DPP6: variants seen among roughly 807,000 people sequenced by gnomAD.
The protein encoded by DPP6 is dipeptidyl peptidase like 6, also known as A-type potassium channel modulatory protein DPP6.
A neutral mutation model predicts 122.6 loss-of-function variants in DPP6; 69 were observed. The ratio of observed to expected loss-of-function variants is 0.56; its 90% CI spans 0.46 to 0.69. The LOEUF (loss-of-function observed/expected upper bound fraction) is 0.69. Ranked by LOEUF, DPP6 falls within the 30% of genes least tolerant of loss-of-function variation. The pLI is 0.00. For synonymous variants in DPP6, 418 were observed against 433.1 expected, an observed-to-expected ratio of 0.97 and a Z score of 0.43; for missense variants, 928 against 1,116.9, an observed-to-expected ratio of 0.83 and a Z score of 2.41.
chr7:153,887,899 G>A (rs547615544), intron 1 of DPP6, among the ~76,000 whole-genome samples: 1 of 151,008 alleles, frequency 6.6e-6, no homozygotes, highest in Non-Finnish European at 1.5e-5. Flanking sequence ...CCCACCCAGC[G>A]GCAGGGGGAT....
the DPP6 span, among the ~76,000 whole-genome samples, chr7:153,776,289 G>C: frequency 6.6e-6 from 1 of 152,136 alleles, no homozygotes. Context: ...TGTGGTGGGA[G>C]GGACCTCGTG....
intron 3 of DPP6, among the ~76,000 whole-genome samples, chr7:154,529,133 G>A (rs544025200): frequency 6.6e-6 from 1 of 152,322 alleles, no homozygotes; most frequent in African/African-American, 2.4e-5. Flanking sequence ...TGGTGAAGGT[G>A]ATGACAATCA....
chr7:153,965,200 AT>A (rs1160779351), intron 1 of DPP6, among the ~76,000 whole-genome samples: 1 of 151,958 alleles, frequency 6.6e-6, no homozygotes, highest in Non-Finnish European at 1.5e-5. Context: ...ATTTTCTGAA[AT>A]AATCGAGAGC....
chr7:153,807,211 A>ACC, the DPP6 span, among the ~76,000 whole-genome samples: 1 of 151,868 alleles, frequency 6.6e-6, no homozygotes, highest in South Asian at 2.1e-4. Flanking sequence ...TCAGGAGTTC[A>ACC]AGACCAGCCT....
At chr7:154,281,905 C>A (rs1804539992) in intron 1 of DPP6, among the ~76,000 whole-genome samples, 1 of 152,144 alleles carries the variant, frequency 6.6e-6, no homozygotes, top group South Asian at 2.1e-4. Flanking sequence ...TGAAAAGAGC[C>A]TCTCCCAGAT....
chr7:154,782,461 C>T (rs1797087227), intron 10 of DPP6, among the ~76,000 whole-genome samples: 1 of 152,198 alleles, frequency 6.6e-6, no homozygotes, highest in African/African-American at 2.4e-5. Context: ...CCTATTTTCT[C>T]CTCTCCTTTA....
chr7:154,702,718 A>G (rs1428215745), intron 7 of DPP6, among the ~76,000 whole-genome samples: 1 of 152,274 alleles, frequency 6.6e-6, no homozygotes, highest in Admixed American at 6.5e-5. Flanking sequence ...AGTCGTCTCC[A>G]TAACATAAAA....
intron 1 of DPP6, among the ~76,000 whole-genome samples, chr7:153,931,105 G>C (rs1192649059): frequency 6.6e-6 from 1 of 152,146 alleles, no homozygotes; most frequent in Non-Finnish European, 1.5e-5. Flanking sequence ...GTCTTTCTTG[G>C]CCTTTCAGAA....
intron 4 of DPP6, among the ~76,000 whole-genome samples, chr7:154,557,137 A>T (rs73163097): frequency 6.6e-6 from 1 of 152,094 alleles, no homozygotes; most frequent in Non-Finnish European, 1.5e-5. Context: ...ACTCATCTGT[A>T]GCACCCATCG....
At chr7:153,827,707 G>A in the DPP6 span, among the ~76,000 whole-genome samples, 1 of 152,122 alleles carries the variant, frequency 6.6e-6, no homozygotes, top group Admixed American at 6.5e-5. Flanking sequence ...GCCACAAGGA[G>A]AAGTCGACTG....
chr7:154,258,434 C>T (rs1451283377), intron 1 of DPP6, among the ~76,000 whole-genome samples: 1 of 152,174 alleles, frequency 6.6e-6, no homozygotes, highest in Admixed American at 6.5e-5. Context: ...AGAACCTGAA[C>T]AGTAACTGAG....
At chr7:154,709,065 A>G (rs1252680048) in intron 7 of DPP6, among the ~76,000 whole-genome samples, 1 of 152,098 alleles carries the variant, frequency 6.6e-6, no homozygotes, top group Non-Finnish European at 1.5e-5. Context: ...AAATAAAAAT[A>G]AAATAACGTT....
At chr7:154,708,018 T>C (rs886601553) in intron 7 of DPP6, among the ~76,000 whole-genome samples, 2 of 152,156 alleles carry the variant, frequency 1.3e-5, no homozygotes, top group Non-Finnish European at 2.9e-5. Context: ...TTTGCCCAGC[T>C]GAGCAGTGAA....
At chr7:154,157,524 CT>C (rs1223087691) in intron 1 of DPP6, among the ~76,000 whole-genome samples, 2 of 152,226 alleles carry the variant, frequency 1.3e-5, no homozygotes, top group Non-Finnish European at 2.9e-5. Context: ...CAATAGTCCC[CT>C]GCCTCTCTCC....
chr7:154,572,682 A>ACT (rs1563874140), intron 5 of DPP6, among the ~76,000 whole-genome samples: 2 of 89,136 alleles, frequency 2.2e-5, no homozygotes, highest in African/African-American at 8.8e-5. Flanking sequence ...ACACATGGCT[A>ACT]ATTTTTTTTT....
At chr7:154,745,016 C>T (rs1842973913) in intron 8 of DPP6, among the ~76,000 whole-genome samples, 1 of 152,226 alleles carries the variant, frequency 6.6e-6, no homozygotes, top group South Asian at 2.1e-4. Flanking sequence ...ACTGATATTA[C>T]TCAGGCAGAT....
chr7:154,644,577 C>T (rs991467821), intron 6 of DPP6, among the ~76,000 whole-genome samples: 4 of 152,130 alleles, frequency 2.6e-5, no homozygotes, highest in Non-Finnish European at 2.9e-5. Context: ...GCTGCACACA[C>T]GGAGATAGGC....
chr7:154,193,804 A>G (rs557463153), intron 1 of DPP6, among the ~76,000 whole-genome samples: 6 of 152,118 alleles, frequency 3.9e-5, no homozygotes, highest in African/African-American at 1.2e-4. Context: ...ATAGGAAGAA[A>G]GCAAAAGTAT....
Position 154,261,135 on chromosome 7 carries a change from C to T in DPP6, c.244-185079C>T, listed in dbSNP as rs2150914408. Among the ~76,000 whole-genome samples, 2 of 152,184 alleles carry T rather than the reference C, an allele frequency of 1.3e-5. 1 individual carries two copies. Among genetic ancestry groups the T allele is most frequent in the South Asian group, 4.1e-4 (2 of 4,820 alleles). On this transcript the variant is annotated intron_variant, in intron 1 of 25. Coordinates refer to ENST00000377770, the MANE Select transcript of DPP6 (RefSeq NM_130797.4). Reference sequence around the variant, plus strand: ...GGTCTTGAACTCCTGACCTTGTGTTCCGCCTGCCTCAGCCTCCCAAAGTGC... The same window carrying T: ...GGTCTTGAACTCCTGACCTTGTGTTTCGCCTGCCTCAGCCTCCCAAAGTGC...
Sources: allele counts gnomAD v4.1 joint callset (sites outside exome capture counted in the v4.1 genomes callset), GRCh38; gene constraint gnomAD v4.1.1; transcripts MANE v1.5; gene names NCBI Gene and HGNC (gene_info 2026-07-23, HGNC 2026-07-21).